FLI1: variants seen among roughly 807,000 people sequenced by gnomAD.
The protein encoded by FLI1 is Friend leukemia integration 1 transcription factor.
FLI1 carries 13 observed loss-of-function variants against 53.1 expected under a neutral mutation model. The ratio of observed to expected loss-of-function variants is 0.24; its 90% confidence interval spans 0.16 to 0.39. The LOEUF (loss-of-function observed/expected upper bound fraction) is 0.39, where lower values mean the gene tolerates loss of function less well. FLI1 is among the 10% of genes least tolerant of loss of function. The pLI is 1.00. For missense variants in FLI1, 424 were observed against 600.5 expected, an observed-to-expected ratio of 0.71 and a Z score of 3.07; for synonymous variants, 244 against 236.7, an observed-to-expected ratio of 1.03 and a Z score of -0.28.
rs75016743 is a variant in FLI1, at chr11:128,723,167, C to T, written c.18+28891C>T. Among the ~76,000 whole-genome samples the T allele has an allele frequency of 1.5e-3, 229 of 152,280 alleles. 1 individual carries two copies. The highest frequency in any genetic ancestry group is 0.012 in the East Asian group (62 of 5,192). On this transcript the variant is annotated intron_variant, in intron 1 of 8. Transcript: ENST00000527786. ...CCACCTCCTATACCATCACATTGTC[C>T]GTTAGGATTTAATGTATGAGTCTGG...
intron 1 of FLI1, among the ~76,000 whole-genome samples, chr11:128,688,290 C>T (rs557189158): frequency 6.6e-6 from 1 of 152,342 alleles, no homozygotes; most frequent in East Asian, 1.9e-4. Context: ...AGACGGCAGT[C>T]TGGGAGCTGT....
At chr11:128,796,153 C>G (rs367646719) in intron 5 of FLI1, among the ~76,000 whole-genome samples, 2 of 152,262 alleles carry the variant, frequency 1.3e-5, no homozygotes, top group East Asian at 3.9e-4. Flanking sequence ...AATGGATTCA[C>G]GAGAAATTAT....
rs558105576 is a variant in FLI1, at chr11:128,763,386, G to A, written c.231-4732G>A. Among the ~76,000 whole-genome samples, 7 of 152,284 alleles carry A rather than the reference G, an allele frequency of 4.6e-5. No homozygotes were observed. The East Asian group carries it at 5.8e-4, about 13-fold the overall frequency. On this transcript the variant is annotated intron_variant, in intron 2 of 8. Transcript: ENST00000527786. The stretch of plus-strand genomic sequence containing the variant: ...CAGCATGGCCCATAGGTTCTGTGTC[G>A]CATGTAGACTTCAGCAACTTGATCC...
chr11:128,687,474 T>A (rs1301893593), intron 1 of FLI1, among the ~76,000 whole-genome samples: 4 of 152,018 alleles, frequency 2.6e-5, no homozygotes, highest in African/African-American at 9.7e-5. Context: ...GACCCAAAGC[T>A]TAGGACCATC....
chr11:128,721,793 C>T (rs1013168591), intron 1 of FLI1, among the ~76,000 whole-genome samples: 1 of 152,182 alleles, frequency 6.6e-6, no homozygotes, highest in Non-Finnish European at 1.5e-5. Context: ...GAAGCTTGCC[C>T]GCTCCAGGCT....
chr11:128,754,510 G>A (rs1324707571), intron 1 of FLI1, among the ~76,000 whole-genome samples: 1 of 152,228 alleles, frequency 6.6e-6, no homozygotes, highest in Non-Finnish European at 1.5e-5. Flanking sequence ...GGCTTGTCTA[G>A]TGGAGCAGTG....
Position 128,768,247 on chromosome 11 carries a change from C to G in FLI1, c.360C>G (p.Asn120Lys). ...NGPPPPNMTTNERRVIVPADP... is the reference protein window; with the variant it reads ...NGPPPPNMTTKERRVIVPADP... ...CCCCTCCTCCCAACATGACCACCAACGAGAGGAGAGTCATCGTCCCCGCAG... is the reference window on the plus strand; with the variant it reads ...CCCCTCCTCCCAACATGACCACCAAGGAGAGGAGAGTCATCGTCCCCGCAG... Residue 120 changes from asparagine to lysine, a missense_variant, in exon 3 of 9, where the codon AAC becomes AAG. Coordinates refer to ENST00000527786, the MANE Select transcript of FLI1 (RefSeq NM_002017.5). 1 of 1,613,910 alleles carries G rather than the reference C, an allele frequency of 6.2e-7. No individual in the cohort carries two copies. The highest frequency in any genetic ancestry group is 8.5e-7 in the Non-Finnish European group (1 of 1,179,858).
chr11:128,808,034 G>T (rs1439039216), intron 7 of FLI1, among the ~76,000 whole-genome samples: 3 of 152,158 alleles, frequency 2.0e-5, no homozygotes, highest in African/African-American at 7.2e-5. Context: ...TCCACAGAAG[G>T]CAGAGCAAGA....
At chr11:128,760,965 T>A (rs1941095607) in intron 2 of FLI1, among the ~76,000 whole-genome samples, 1 of 152,206 alleles carries the variant, frequency 6.6e-6, no homozygotes, top group Non-Finnish European at 1.5e-5. Flanking sequence ...CCTGCCTTCC[T>A]GAAGTCTATT....
At chr11:128,773,067 TC>T in intron 4 of FLI1, 82 bp downstream of exon 4, 1 of 1,327,226 alleles carries the variant, frequency 7.5e-7, no homozygotes, top group Non-Finnish European at 1.1e-6. Context: ...TGCTGCCCGT[TC>T]GTGTTGGGCA....
At chr11:128,771,472 T>G (rs1303574709) in intron 3 of FLI1, among the ~76,000 whole-genome samples, 1 of 152,240 alleles carries the variant, frequency 6.6e-6, no homozygotes, top group African/African-American at 2.4e-5. Context: ...GCTGGGAAAC[T>G]TGCCTCTGGC....
chr11:128,686,587 C>T (rs1258636666), exon 1 of FLI1: 3 of 411,530 alleles, frequency 7.3e-6, no homozygotes, highest in African/African-American at 2.1e-5. Flanking sequence ...GTCTCTCCCT[C>T]GCTCCACTCG....
chr11:128,800,824 T>G (rs1254134978), intron 5 of FLI1, among the ~76,000 whole-genome samples: 1 of 152,220 alleles, frequency 6.6e-6, no homozygotes, highest in Non-Finnish European at 1.5e-5. Context: ...CCGGCCTCTT[T>G]GCTTTGGCAA....
intron 1 of FLI1, among the ~76,000 whole-genome samples, chr11:128,722,748 C>G (rs974673780): frequency 6.6e-6 from 1 of 152,138 alleles, no homozygotes; most frequent in Non-Finnish European, 1.5e-5. Context: ...AAGCACAGAG[C>G]CTGGGGAATG....
At chr11:128,717,932 T>G (rs184413192) in intron 1 of FLI1, among the ~76,000 whole-genome samples, 2 of 152,226 alleles carry the variant, frequency 1.3e-5, no homozygotes, top group Non-Finnish European at 2.9e-5. Flanking sequence ...ATCTTTGTGA[T>G]CCAGAAGTCC....
chr11:128,713,284 T>C lies in FLI1; in HGVS notation c.18+19008T>C, dbSNP rs541303507. ...GAGTCTTTATTAGTCTCTTCCTATG[T>C]AGAATTTATCAATAGTTTGACAGTT... On this transcript the variant is annotated intron_variant, in intron 1 of 8. Coordinates refer to ENST00000527786, the MANE Select transcript of FLI1 (RefSeq NM_002017.5). 2.6e-5 allele frequency among the ~76,000 whole-genome samples: 4 copies of C among 152,376 alleles called. No homozygotes were observed. In the East Asian group the frequency reaches 7.7e-4, roughly 29 times the overall value.
At position 128,694,211 on chromosome 11, in the gene FLI1, C is replaced by T. The variant is rs919567291; in HGVS notation, c.-48C>T. The T allele has an allele frequency of 6.6e-7, 1 of 1,522,790 alleles. No homozygotes were observed. Among genetic ancestry groups the T allele is most frequent in the Non-Finnish European group, 8.8e-7 (1 of 1,135,830 alleles). The allele number at this position is 1,522,790 out of a possible 1,614,324, so 94.3% of individuals were successfully genotyped here. A position where few individuals can be genotyped will look rare whatever the true frequency, so the allele number is the denominator to read the frequency against. ...AGGGGCTGCGAGGTCAGGCTGTAAC[C>T]GGGTCAATGTGTGGAATATTGGGGG... On this transcript the variant is annotated 5_prime_UTR_variant, in exon 1 of 9. Transcript: ENST00000527786.
At chr11:128,725,645 TCC>T (rs59190050) in intron 1 of FLI1, among the ~76,000 whole-genome samples, 117,674 of 150,094 alleles carry the variant, frequency 0.78, 46,175 homozygotes, top group East Asian at 0.95. Flanking sequence ...TCATTCTCTC[TCC>T]CTCTCTCTCT....
intron 2 of FLI1, among the ~76,000 whole-genome samples, chr11:128,762,237 G>A (rs544700299): frequency 8.5e-4 from 130 of 152,268 alleles, no homozygotes; most frequent in African/African-American, 2.9e-3. Context: ...ATGACAGTTC[G>A]TTACTTGCAC....
Sources: allele counts gnomAD v4.1 joint callset (sites outside exome capture counted in the v4.1 genomes callset), GRCh38; gene constraint gnomAD v4.1.1; transcripts MANE v1.5; gene names NCBI Gene and HGNC (gene_info 2026-07-23, HGNC 2026-07-21).